The following DOCK2 variants were observed in gnomAD, a reference collection of about 807,000 sequenced individuals.
DOCK2 encodes the protein dedicator of cytokinesis 2, also known as dedicator of cytokinesis protein 2.
DOCK2 carries 87 observed loss-of-function variants against 248.9 expected under a neutral mutation model. That is an observed-to-expected ratio of 0.35 (90% CI 0.29 to 0.42). The LOEUF is 0.42. Among genes scored for constraint, DOCK2 ranks in the 10% least tolerant of loss-of-function variants. The pLI is 1.00. For missense variants in DOCK2, 1,747 were observed against 2,300.2 expected, an observed-to-expected ratio of 0.76 and a Z score of 4.92; for synonymous variants, 805 against 821.6, an observed-to-expected ratio of 0.98 and a Z score of 0.35.
chr5:169,979,314 T>A (rs1156332171), intron 27 of DOCK2, among the ~76,000 whole-genome samples: 1 of 152,180 alleles, frequency 6.6e-6, no homozygotes, highest in East Asian at 1.9e-4. Flanking sequence ...CCTATTCCTA[T>A]GTCCCCTAAA....
chr5:169,882,483 C>T (rs1772712087), intron 27 of DOCK2: 3 of 1,308,254 alleles, frequency 2.3e-6, no homozygotes, highest in South Asian at 3.1e-5. Flanking sequence ...GAAACCAAAG[C>T]TGTCTCTGCC....
chr5:169,854,188 A>C (rs1049332105), intron 27 of DOCK2, among the ~76,000 whole-genome samples: 2 of 136,494 alleles, frequency 1.5e-5, no homozygotes, highest in Non-Finnish European at 3.2e-5. Context: ...TTACTGAAAC[A>C]TTTTTTTTTT....
chr5:169,787,991 T>A (rs1766093164), intron 25 of DOCK2, among the ~76,000 whole-genome samples: 1 of 152,186 alleles, frequency 6.6e-6, no homozygotes, highest in Non-Finnish European at 1.5e-5. Context: ...ATGGTTAAAC[T>A]GATGCTTACC....
In DOCK2 at chr5:169,912,891, T is replaced by C. The variant is rs1774686325; in HGVS notation, c.2800-70177T>C. On this transcript the variant is annotated intron_variant, in intron 27 of 51. Coordinates refer to ENST00000520908, the MANE Select transcript of DOCK2 (RefSeq NM_004946.3). ...GAATAGATTACTTAATTAGCATTTA[T>C]TGTTTGTAAAATTCCTTGTCTAGAA... Among the ~76,000 whole-genome samples, 4 of 152,180 alleles carry C rather than the reference T, an allele frequency of 2.6e-5. 1 individual carries two copies. The South Asian group carries it at 8.3e-4, about 31-fold the overall frequency.
At chr5:169,815,079 C>T (rs1328105255) in intron 26 of DOCK2, among the ~76,000 whole-genome samples, 3 of 152,160 alleles carry the variant, frequency 2.0e-5, no homozygotes, top group African/African-American at 7.2e-5. Context: ...TTCTCAGGGA[C>T]CTTGCAGCCT....
At chr5:170,041,187 G>C in intron 37 of DOCK2, 42 bp downstream of exon 37, 1 of 1,517,904 alleles carries the variant, frequency 6.6e-7, no homozygotes, top group Non-Finnish European at 9.2e-7. Flanking sequence ...CTGGGATCCT[G>C]ACAGGGCCTC....
intron 33 of DOCK2, among the ~76,000 whole-genome samples, chr5:170,025,897 G>A (rs1755899021): frequency 6.7e-6 from 1 of 148,444 alleles, no homozygotes; most frequent in Non-Finnish European, 1.5e-5. Context: ...CTCTGCTCAA[G>A]CTGAACTGCT....
intron 25 of DOCK2, among the ~76,000 whole-genome samples, chr5:169,799,663 G>T (rs1294989319): frequency 1.3e-5 from 2 of 152,152 alleles, no homozygotes; most frequent in African/African-American, 2.4e-5. Flanking sequence ...ATGATGGCAA[G>T]ATATGGACTA....
intron 2 of DOCK2, among the ~76,000 whole-genome samples, chr5:169,666,685 T>A (rs933488709): frequency 1.3e-5 from 2 of 152,146 alleles, no homozygotes; most frequent in African/African-American, 4.8e-5. Context: ...CAGAAAAAAG[T>A]CATAAGGATA....
chr5:170,038,673 A>T (rs1278782372), intron 36 of DOCK2, among the ~76,000 whole-genome samples: 1 of 152,080 alleles, frequency 6.6e-6, no homozygotes, highest in Admixed American at 6.5e-5. Flanking sequence ...TCGCTCAAGC[A>T]CCTGCCATCT....
intron 1 of DOCK2, among the ~76,000 whole-genome samples, chr5:169,637,737 C>G (rs1254221132): frequency 2.0e-5 from 3 of 152,234 alleles, no homozygotes; most frequent in African/African-American, 4.8e-5. Flanking sequence ...CCACTCTCCC[C>G]TGGCTCAGCC....
intron 27 of DOCK2, among the ~76,000 whole-genome samples, chr5:169,935,998 A>C (rs1430524277): frequency 6.6e-6 from 1 of 152,058 alleles, no homozygotes; most frequent in Non-Finnish European, 1.5e-5. Flanking sequence ...GTTAACATAA[A>C]TTTTTTCTTG....
chr5:169,726,567 A>G (rs1762484366), intron 22 of DOCK2, among the ~76,000 whole-genome samples: 2 of 152,214 alleles, frequency 1.3e-5, no homozygotes, highest in African/African-American at 4.8e-5. Flanking sequence ...TGTTTTAGTC[A>G]TGAAGTCTTA....
At chr5:170,039,756 C>G (rs774523123) in intron 36 of DOCK2, among the ~76,000 whole-genome samples, 2 of 152,186 alleles carry the variant, frequency 1.3e-5, no homozygotes, top group African/African-American at 4.8e-5. Flanking sequence ...CATTGAGACA[C>G]GCATTGAGTG....
chr5:170,073,817 T>A (rs1407233581), intron 46 of DOCK2, among the ~76,000 whole-genome samples: 2 of 152,244 alleles, frequency 1.3e-5, no homozygotes, highest in Non-Finnish European at 2.9e-5. Flanking sequence ...ATATTGGTTA[T>A]TAGTACCTTG....
intron 26 of DOCK2, among the ~76,000 whole-genome samples, chr5:169,823,876 T>C (rs942724015): frequency 6.0e-4 from 92 of 152,262 alleles, no homozygotes; most frequent in Middle Eastern, 3.4e-3. Flanking sequence ...AAAACCCCAT[T>C]GTCTCAGCCC....
chr5:169,654,907 C>G (rs1398794676), intron 2 of DOCK2, among the ~76,000 whole-genome samples: 2 of 152,216 alleles, frequency 1.3e-5, no homozygotes, highest in Non-Finnish European at 2.9e-5. Flanking sequence ...GCACCCAGCC[C>G]AGGGAGCAGG....
chr5:170,020,526 G>A lies in DOCK2; in HGVS notation c.3381+1418G>A, dbSNP rs188943474. 3.2e-3 allele frequency among the ~76,000 whole-genome samples: 480 copies of A among 151,924 alleles called. 3 individuals carry two copies. The highest frequency in any genetic ancestry group is 9.8e-3 in the African/African-American group (408 of 41,534). ...CAGGCATATGACACCTATTTTCTAT[G>A]TATTAGTTCATGCAGTCTTTTTAAA... On this transcript the variant is annotated intron_variant, in intron 33 of 51. Transcript: ENST00000520908.
intron 32 of DOCK2, among the ~76,000 whole-genome samples, chr5:170,011,217 AG>A (rs1037291106): frequency 2.6e-5 from 4 of 152,210 alleles, no homozygotes; most frequent in African/African-American, 9.6e-5. Flanking sequence ...TCTCTTGTAG[AG>A]GGTTTTCTAG....
Sources: allele counts gnomAD v4.1 joint callset (sites outside exome capture counted in the v4.1 genomes callset), GRCh38; gene constraint gnomAD v4.1.1; transcripts MANE v1.5; gene names NCBI Gene and HGNC (gene_info 2026-07-23, HGNC 2026-07-21).